The following CDC14A variants were observed in gnomAD, a reference collection of about 807,000 sequenced individuals.
CDC14A encodes the protein dual specificity protein phosphatase CDC14A.
In CDC14A, 53 loss-of-function variants were observed where a neutral mutation model predicts 74.4. That is an observed-to-expected ratio of 0.71 (90% CI 0.57 to 0.89). CDC14A has a LOEUF of 0.89. Among genes scored for constraint, CDC14A ranks in the 40% least tolerant of loss-of-function variants. CDC14A has a pLI of 0.00. For synonymous variants in CDC14A, 247 were observed against 258.4 expected, an observed-to-expected ratio of 0.96 and a Z score of 0.43; for missense variants, 646 against 713.7, an observed-to-expected ratio of 0.91 and a Z score of 1.08.
intron 3 of CDC14A, among the ~76,000 whole-genome samples, chr1:100,383,975 A>G (rs1435858552): frequency 6.6e-6 from 1 of 151,744 alleles, no homozygotes; most frequent in Non-Finnish European, 1.5e-5. Flanking sequence ...TGCTCTCCTG[A>G]CTGAAGCTGA....
chr1:100,433,378 C>G (rs114705600), intron 5 of CDC14A, among the ~76,000 whole-genome samples: 53 of 152,322 alleles, frequency 3.5e-4, no homozygotes, highest in African/African-American at 1.3e-3. Context: ...AGAAGCTCAT[C>G]TTCTTGTGGA....
chr1:100,447,228 G>C (rs888410669), intron 7 of CDC14A, among the ~76,000 whole-genome samples: 1 of 152,184 alleles, frequency 6.6e-6, no homozygotes, highest in Non-Finnish European at 1.5e-5. Context: ...AAAGCTCGAG[G>C]TGAGATACCT....
intron 5 of CDC14A, among the ~76,000 whole-genome samples, chr1:100,435,131 G>A (rs1416817377): frequency 6.6e-6 from 1 of 152,182 alleles, no homozygotes; most frequent in Non-Finnish European, 1.5e-5. Flanking sequence ...GAGAGAGAGA[G>A]TATGGAGTGA....
At chr1:100,348,612 A>C (rs992051235), upstream of CDC14A, among the ~76,000 whole-genome samples, 1 of 152,220 alleles carries the variant, frequency 6.6e-6, no homozygotes, top group Non-Finnish European at 1.5e-5. Flanking sequence ...AGGGGCTTGA[A>C]GCCATGTAAT....
intron 4 of CDC14A, 49 bp downstream of exon 4, chr1:100,390,873 C>A: frequency 3.1e-6 from 4 of 1,309,614 alleles, no homozygotes; most frequent in Non-Finnish European, 4.4e-6. Flanking sequence ...CAGTGAAATG[C>A]TAACACTGTC....
intron 4 of CDC14A, among the ~76,000 whole-genome samples, chr1:100,403,266 G>A (rs1385493597): frequency 1.3e-5 from 2 of 152,204 alleles, no homozygotes; most frequent in Admixed American, 6.5e-5. Context: ...CTTACAAGGT[G>A]TAAAGCATAC....
intron 10 of CDC14A, among the ~76,000 whole-genome samples, chr1:100,480,502 G>A (rs568166486): frequency 1.1e-3 from 162 of 152,248 alleles, no homozygotes; most frequent in Non-Finnish European, 1.3e-3. Context: ...ATGATTTTGG[G>A]TATATACCTA....
At chr1:100,511,531 C>T (rs1270081314) in intron 15 of CDC14A, among the ~76,000 whole-genome samples, 2 of 152,324 alleles carry the variant, frequency 1.3e-5, no homozygotes, top group African/African-American at 4.8e-5. Flanking sequence ...CTCCCAGCTT[C>T]CTCTGGGTGT....
At chr1:100,419,832 C>T (rs984461490) in intron 4 of CDC14A, among the ~76,000 whole-genome samples, 10 of 151,944 alleles carry the variant, frequency 6.6e-5, no homozygotes, top group Non-Finnish European at 1.5e-5. Flanking sequence ...CTGGGAAAGG[C>T]TATTGTCAGC....
At chr1:100,399,370 G>A (rs759444516) in intron 4 of CDC14A, among the ~76,000 whole-genome samples, 3 of 152,030 alleles carry the variant, frequency 2.0e-5, no homozygotes, top group South Asian at 2.1e-4. Flanking sequence ...TTTGTCTTTA[G>A]AGTGCCAGAA....
chr1:100,349,988 G>A (rs1424634779), upstream of CDC14A, among the ~76,000 whole-genome samples: 1 of 1,810 alleles, frequency 5.5e-4, no homozygotes, highest in Admixed American at 3.8e-3. Context: ...AGTTTTGCTC[G>A]TCACCCAGGC....
chr1:100,455,498 T>C lies in CDC14A; in HGVS notation c.607+6T>C, dbSNP rs1328450165. ...TAAAAGCAAAATTGAGAATGGTAGG[T>C]TTTTTTTTCCTTTACCATCCAAACA... is the stretch of plus-strand genomic sequence containing the variant. On this transcript the variant is annotated splice_donor_region_variant and intron_variant, in intron 8 of 15. Coordinates refer to ENST00000336454, the MANE Select transcript of CDC14A (RefSeq NM_003672.4). The C allele has an allele frequency of 2.4e-5, 37 of 1,514,930 alleles. No individual in the cohort carries two copies. Among genetic ancestry groups the C allele is most frequent in the Non-Finnish European group, 3.3e-5 (37 of 1,111,164 alleles). 93.8% of individuals were successfully genotyped at this position (1,514,930 alleles called of 1,614,324 possible).
intron 4 of CDC14A, chr1:100,394,045 G>A (rs1658120156): frequency 8.1e-6 from 2 of 246,056 alleles, no homozygotes; most frequent in South Asian, 1.0e-4. Context: ...CCTCAGGTTT[G>A]CCCTACTCTT....
At chr1:100,368,599 T>A (rs536262810) in intron 2 of CDC14A, among the ~76,000 whole-genome samples, 2 of 152,344 alleles carry the variant, frequency 1.3e-5, no homozygotes, top group African/African-American at 4.8e-5. Context: ...AAATTTCAAC[T>A]TTTATTTTAG....
intron 2 of CDC14A, among the ~76,000 whole-genome samples, chr1:100,364,492 G>A (rs906344384): frequency 2.2e-4 from 33 of 151,936 alleles, no homozygotes; most frequent in Non-Finnish European, 2.8e-4. Context: ...GATTACAGGC[G>A]GAGCCGTTGC....
chr1:100,494,834 A>G lies in CDC14A; in HGVS notation c.1154A>G (p.Asp385Gly). Residue 385 changes from aspartate to glycine, a missense_variant, in exon 12 of 16, where the codon GAT becomes GGT. Physicochemically the swap from Asp to Gly is moderately conservative, Grantham distance 94. Coordinates refer to ENST00000336454, the MANE Select transcript of CDC14A (RefSeq NM_003672.4). ...TTTTTCCAGGATAACTTAGAAGATGATGATGTGGAAATGAAAAATGGTATA... is the reference window on the plus strand; with the variant it reads ...TTTTTCCAGGATAACTTAGAAGATGGTGATGTGGAAATGAAAAATGGTATA... ...ERFGEDNLED[D>G]DVEMKNGITQ... is the part of the protein sequence containing the mutation. The G allele has an allele frequency of 6.2e-7, 1 of 1,609,644 alleles. No homozygotes were observed. Among genetic ancestry groups the G allele is most frequent in the Non-Finnish European group, 8.5e-7 (1 of 1,176,374 alleles).
chr1:100,460,555 A>G (rs1667220387), intron 8 of CDC14A, among the ~76,000 whole-genome samples: 1 of 152,182 alleles, frequency 6.6e-6, no homozygotes, highest in Admixed American at 6.5e-5. Flanking sequence ...TCCTCACATG[A>G]TAGAAAAACC....
chr1:100,382,568 T>A (rs560793069), intron 3 of CDC14A, among the ~76,000 whole-genome samples: 1 of 151,984 alleles, frequency 6.6e-6, no homozygotes, highest in East Asian at 1.9e-4. Context: ...TGATTTCATT[T>A]TCCTCTGAGA....
intron 11 of CDC14A, 142 bp from the exon 12 acceptor site, chr1:100,494,676 G>A (rs957548755): frequency 1.8e-6 from 1 of 545,432 alleles, no homozygotes; most frequent in Admixed American, 3.5e-5. Context: ...TGTAAACTTT[G>A]ACAATGCTGA....
Sources: gnomAD v4.1 joint callset for allele counts (sites outside exome capture counted in the v4.1 genomes callset) on GRCh38, gnomAD v4.1.1 for gene constraint, MANE v1.5 for transcripts, NCBI Gene and HGNC (gene_info 2026-07-23, HGNC 2026-07-21) for gene names.